ACAP2: variants seen among roughly 807,000 people sequenced by gnomAD.
ACAP2 encodes the protein ArfGAP with coiled-coil, ankyrin repeat and PH domains 2, also known as arf-GAP with coiled-coil, ANK repeat and PH domain-containing protein 2.
ACAP2 carries 39 observed loss-of-function variants against 115.8 expected under a neutral mutation model. The observed-to-expected ratio is 0.34, with a 90% CI of 0.26 to 0.44. The LOEUF is 0.44. ACAP2 is among the 20% of genes least tolerant of loss of function. ACAP2 has a pLI of 1.00. For synonymous variants in ACAP2, 289 were observed against 315.8 expected, an observed-to-expected ratio of 0.92 and a Z score of 0.90; for missense variants, 662 against 927.6, an observed-to-expected ratio of 0.71 and a Z score of 3.72.
At chr3:195,412,164 CAAA>C (rs869120673) in intron 1 of ACAP2, among the ~76,000 whole-genome samples, 1 of 48,566 alleles carries the variant, frequency 2.1e-5, no homozygotes, top group Non-Finnish European at 4.1e-5. Flanking sequence ...GACCCTGTCT[CAAA>C]AAAAAAAAAA....
chr3:195,380,899 C>A, intron 4 of ACAP2, 110 bp downstream of exon 4: 1 of 965,244 alleles, frequency 1.0e-6, no homozygotes, highest in Admixed American at 3.0e-5. Context: ...AAGTTGACGA[C>A]CAATCAAAGC....
At chr3:195,440,119 G>C (rs1166761515) in intron 1 of ACAP2, among the ~76,000 whole-genome samples, 1 of 151,974 alleles carries the variant, frequency 6.6e-6, no homozygotes, top group East Asian at 1.9e-4. Flanking sequence ...TAGATTTTTA[G>C]ATGAACAAGG....
intron 1 of ACAP2, among the ~76,000 whole-genome samples, chr3:195,411,288 C>CA (rs1713239842): frequency 6.6e-6 from 1 of 152,136 alleles, no homozygotes; most frequent in Non-Finnish European, 1.5e-5. Context: ...AGTATATACT[C>CA]AAAAAACCTG....
At chr3:195,298,850 T>G (rs1159314809) in intron 15 of ACAP2, among the ~76,000 whole-genome samples, 1 of 151,868 alleles carries the variant, frequency 6.6e-6, no homozygotes, top group Non-Finnish European at 1.5e-5. Flanking sequence ...AGGCTGGTCT[T>G]GAACTCCGGA....
intron 8 of ACAP2, among the ~76,000 whole-genome samples, chr3:195,328,973 G>A (rs928140521): frequency 4.6e-5 from 7 of 151,804 alleles, no homozygotes; most frequent in East Asian, 3.9e-4. Context: ...CCAGCTACTC[G>A]GGAGGCTAAG....
chr3:195,374,706 C>A (rs1048307745), intron 4 of ACAP2, among the ~76,000 whole-genome samples: 14 of 84,466 alleles, frequency 1.7e-4, no homozygotes, highest in African/African-American at 6.5e-4. Flanking sequence ...TGCAGAAGAC[C>A]TTTTCTTTTC....
chr3:195,366,416 G>C (rs781184371), intron 4 of ACAP2, among the ~76,000 whole-genome samples: 3 of 152,296 alleles, frequency 2.0e-5, no homozygotes, highest in South Asian at 2.1e-4. Context: ...TAAATACACA[G>C]ATGTTGCAAT....
At position 195,442,839 on chromosome 3, in the gene ACAP2, C is replaced by A. The variant is rs753325938; in HGVS notation, c.9G>T (p.Met3Ile). 1 of 1,521,648 alleles carries A rather than the reference C, an allele frequency of 6.6e-7. No homozygotes were observed. The highest frequency in any genetic ancestry group is 1.2e-5 in the South Asian group (1 of 81,026). 94.3% of individuals were successfully genotyped at this position (1,521,648 alleles called of 1,614,324 possible). Residue 3 changes from methionine to isoleucine, a missense_variant, in exon 1 of 23, where the codon ATG (methionine) becomes ATT (isoleucine). This residue lies in a region of ACAP2 where 401 missense variants were observed against 604.4 expected (regional missense o/e 0.66). Coordinates refer to ENST00000326793, the MANE Select transcript of ACAP2 (RefSeq NM_012287.6). MKMTVDFEECLKD... is the reference protein window; with the variant it reads MKITVDFEECLKD... ...TCAGACACTCCTCGAAATCCACAGT[C>A]ATCTTCATCCTGCCTCCGCCTCGCA...
At chr3:195,289,291 C>A in intron 20 of ACAP2, 60 bp from the exon 21 acceptor site, 1 of 1,172,566 alleles carries the variant, frequency 8.5e-7, no homozygotes, top group South Asian at 1.4e-5. Context: ...TTAGTATTCA[C>A]CTTAAAAAAA....
chr3:195,394,202 C>T (rs187550991), intron 1 of ACAP2, among the ~76,000 whole-genome samples: 1 of 152,212 alleles, frequency 6.6e-6, no homozygotes, highest in Non-Finnish European at 1.5e-5. Context: ...ACCTCACACA[C>T]ATTCTATCAC....
Position 195,277,770 on chromosome 3 carries a change from A to C in ACAP2, c.*1558T>G, listed in dbSNP as rs1726232518. ...AAGAAGAATAGACTTAATTGTTGAC[A>C]ACAATGGGAAGGAATCAAAAGGCAA... is the stretch of plus-strand genomic sequence containing the variant. On this transcript the variant is annotated 3_prime_UTR_variant, in exon 23 of 23. Transcript: ENST00000326793. 1 of 152,132 alleles carries C rather than the reference A, an allele frequency of 6.6e-6. No homozygotes were observed. The allele number at this position is 152,132 out of a possible 1,614,324, so 9.4% of individuals were successfully genotyped here.
intron 1 of ACAP2, among the ~76,000 whole-genome samples, chr3:195,417,795 A>T (rs1207978822): frequency 6.6e-6 from 1 of 152,124 alleles, no homozygotes; most frequent in Non-Finnish European, 1.5e-5. Context: ...AAAAAATTTT[A>T]AAAATTAGCC....
In ACAP2 at chr3:195,301,534, T is replaced by C. The variant is rs1250766069; in HGVS notation, c.1395+41A>G. On this transcript the variant is annotated intron_variant, in intron 15 of 22. Transcript: ENST00000326793. ...CAAGATTCTAAAATCTTCACTTTCA[T>C]GTGAAAATATGAAATATTTTAAAGC... is the stretch of plus-strand genomic sequence containing the variant. 5 of 1,407,328 alleles carry C rather than the reference T, an allele frequency of 3.6e-6. No homozygotes were observed. In the East Asian group the frequency reaches 6.8e-5, roughly 19 times the overall value. The allele number at this position is 1,407,328 out of a possible 1,614,324, so 87.2% of individuals were successfully genotyped here.
At chr3:195,332,579 GA>G (rs1471836206) in intron 8 of ACAP2, among the ~76,000 whole-genome samples, 2 of 152,116 alleles carry the variant, frequency 1.3e-5, no homozygotes, top group African/African-American at 4.8e-5. Context: ...TCCTTGATAT[GA>G]TTTGGCTGTG....
At position 195,308,851 on chromosome 3, in the gene ACAP2, A is replaced by G; in HGVS notation, c.858-14T>C. 6.3e-7 allele frequency: 1 copy of G among 1,595,784 alleles called. No homozygotes were observed. Among genetic ancestry groups the G allele is most frequent in the Non-Finnish European group, 8.5e-7 (1 of 1,173,212 alleles). The stretch of plus-strand genomic sequence containing the variant: ...GAAAACCAGCGCCTACAGAAACACA[A>G]AATAGATTAAGTTTTCATAAACATA... On this transcript the variant is annotated splice_polypyrimidine_tract_variant and intron_variant, in intron 10 of 22. Coordinates refer to ENST00000326793, the MANE Select transcript of ACAP2 (RefSeq NM_012287.6).
At chr3:195,367,959 A>G (rs904980320) in intron 4 of ACAP2, among the ~76,000 whole-genome samples, 2 of 152,156 alleles carry the variant, frequency 1.3e-5, no homozygotes, top group Non-Finnish European at 2.9e-5. Flanking sequence ...TAAGTCACAA[A>G]GTTTTGGGGC....
rs879507087 is a variant in ACAP2 at position 195,360,805 on chromosome 3, T to TA, written c.286-15489dup. Among the ~76,000 whole-genome samples the TA allele has an allele frequency of 8.9e-4, 98 of 110,560 alleles. No individual in the cohort carries two copies. The East Asian group carries it at 0.011, about 13-fold the overall frequency. The allele number at this position is 110,560 out of a possible 152,430, so 72.5% of individuals were successfully genotyped here. A position where few individuals can be genotyped will look rare whatever the true frequency, so the allele number is the denominator to read the frequency against. On this transcript the variant is annotated intron_variant, in intron 4 of 22. Coordinates refer to ENST00000326793, the MANE Select transcript of ACAP2 (RefSeq NM_012287.6). ...AGAGTGAGACTCCATCTCAAAAAAA[T>TA]AAAAAAAAAAGGAAAAAGAAAAGAA...
chr3:195,440,838 T>C (rs1341680029), intron 1 of ACAP2, among the ~76,000 whole-genome samples: 1 of 152,162 alleles, frequency 6.6e-6, no homozygotes, highest in East Asian at 1.9e-4. Flanking sequence ...GTCCCCAAAA[T>C]GTATATAAGA....
chr3:195,279,547 C>G (rs761347257), intron 22 of ACAP2, 119 bp from the exon 23 acceptor site: 13 of 528,506 alleles, frequency 2.5e-5, no homozygotes, highest in Non-Finnish European at 3.9e-5. Flanking sequence ...TTCAGATGAG[C>G]ATTTTTGGAA....
Sources: gnomAD v4.1 joint callset for allele counts (sites outside exome capture counted in the v4.1 genomes callset) on GRCh38, gnomAD v4.1.1 for gene constraint, gnomAD v4.1.1 regional missense constraint, MANE v1.5 for transcripts, NCBI Gene and HGNC (gene_info 2026-07-23, HGNC 2026-07-21) for gene names.